USP3: variants seen among roughly 807,000 people sequenced by gnomAD.
USP3 encodes the protein ubiquitin carboxyl-terminal hydrolase 3.
USP3 carries 20 observed loss-of-function variants against 72.3 expected under a neutral mutation model. The observed-to-expected ratio is 0.28, with a 90% CI of 0.19 to 0.40. The LOEUF (loss-of-function observed/expected upper bound fraction) is 0.40, where lower values mean the gene tolerates loss of function less well. Ranked by LOEUF, USP3 falls within the 10% of genes least tolerant of loss-of-function variation. The pLI, the probability that USP3 is intolerant of heterozygous loss-of-function variation, is 1.00. For missense variants in USP3, 479 were observed against 633.9 expected (o/e 0.76, Z 2.62); for synonymous variants, 222 against 225.3 (o/e 0.99, Z 0.13).
rs546159193 is a variant in USP3, at chr15:63,515,740, CAT to C, written c.91+10913_91+10914del. On this transcript the variant is annotated intron_variant, in intron 1 of 14. Transcript: ENST00000380324. ...GAATTGTTATGTTACATCAATTTAC[CAT>C]ATGAAGATTAATTCATGTTTTCAGA... 7.2e-5 allele frequency among the ~76,000 whole-genome samples: 11 copies of C among 152,228 alleles called. No individual in the cohort carries two copies. In the South Asian group the frequency reaches 2.3e-3, roughly 32 times the overall value.
chr15:63,540,419 C>T (rs1459900393), intron 3 of USP3, among the ~76,000 whole-genome samples: 12 of 152,204 alleles, frequency 7.9e-5, no homozygotes, highest in Non-Finnish European at 1.6e-4. Context: ...GTATTTTTCC[C>T]TAGTATGCAG....
At chr15:63,589,085 C>G in intron 14 of USP3, 74 bp downstream of exon 14, 1 of 1,521,472 alleles carries the variant, frequency 6.6e-7, no homozygotes, top group South Asian at 1.1e-5. Context: ...TTTTGTACCA[C>G]TCTTGCTAGT....
intron 3 of USP3, among the ~76,000 whole-genome samples, chr15:63,545,176 A>G (rs983092587): frequency 2.6e-5 from 4 of 152,334 alleles, no homozygotes; most frequent in African/African-American, 9.6e-5. Context: ...ATAATTTTCA[A>G]GCTGATTTTA....
intron 11 of USP3, among the ~76,000 whole-genome samples, chr15:63,587,057 CAA>C (rs1484505093): frequency 1.3e-5 from 2 of 152,190 alleles, no homozygotes; most frequent in Non-Finnish European, 2.9e-5. Flanking sequence ...AGTACAGAGA[CAA>C]GAGCGCTTTT....
intron 1 of USP3, among the ~76,000 whole-genome samples, chr15:63,518,618 G>A: frequency 6.6e-6 from 1 of 152,126 alleles, no homozygotes; most frequent in South Asian, 2.1e-4. Flanking sequence ...TACATACAAA[G>A]AACTTCCGTA....
At position 63,574,179 on chromosome 15, in the gene USP3, A is replaced by G; in HGVS notation, c.1015+27A>G. On this transcript the variant is annotated intron_variant, in intron 10 of 14. Coordinates refer to ENST00000380324, the MANE Select transcript of USP3 (RefSeq NM_006537.4). This position sits in a 1 kb window ranked among gnomAD's most constrained non-coding sequence, Gnocchi z 4.6. ...TAAGATATATGTGGCATGTGGATAT[A>G]TAATATTTTATTAAAATAAATTTAA... The G allele has an allele frequency of 1.4e-6, 2 of 1,453,466 alleles. No homozygotes were observed. Among genetic ancestry groups the G allele is most frequent in the Non-Finnish European group, 1.8e-6 (2 of 1,084,456 alleles). 90.0% of individuals were successfully genotyped at this position (1,453,466 alleles called of 1,614,324 possible).
intron 1 of USP3, among the ~76,000 whole-genome samples, chr15:63,532,220 T>C (rs2066086762): frequency 6.6e-6 from 1 of 152,218 alleles, no homozygotes; most frequent in African/African-American, 2.4e-5. Flanking sequence ...TTGTGCCTCT[T>C]AGTAAATAAA....
chr15:63,565,270 G>A (rs910774670), intron 8 of USP3, among the ~76,000 whole-genome samples: 7 of 152,094 alleles, frequency 4.6e-5, no homozygotes, highest in Non-Finnish European at 2.9e-5. Context: ...GCTTTGGATA[G>A]AGAAATCATT....
intron 3 of USP3, among the ~76,000 whole-genome samples, chr15:63,539,619 T>C (rs1007446522): frequency 6.6e-6 from 1 of 152,230 alleles, no homozygotes; most frequent in East Asian, 1.9e-4. Context: ...TGTCGTTTCA[T>C]GGTGGAATTG....
Position 63,591,403 on chromosome 15 carries a change from G to T in USP3, c.*577G>T, listed in dbSNP as rs1489856218. Reference sequence around the variant, plus strand: ...TTACTGCTTGTCTCTCAAGGCTGCTGTCTTTATCAGCACTAACTAAATAAA... The same window carrying T: ...TTACTGCTTGTCTCTCAAGGCTGCTTTCTTTATCAGCACTAACTAAATAAA... On this transcript the variant is annotated 3_prime_UTR_variant, in exon 15 of 15. Transcript: ENST00000380324. 6.6e-6 allele frequency: 1 copy of T among 152,256 alleles called. No homozygotes were observed. The highest frequency in any genetic ancestry group is 2.4e-5 in the African/African-American group (1 of 41,438). 9.4% of individuals were successfully genotyped at this position (152,256 alleles called of 1,614,324 possible). A position where few individuals can be genotyped will look rare whatever the true frequency, so the allele number is the denominator to read the frequency against.
chr15:63,506,210 C>G, intron 1 of USP3, among the ~76,000 whole-genome samples: 1 of 152,132 alleles, frequency 6.6e-6, no homozygotes. Context: ...TGTAAATTAG[C>G]TTTTACCTGT....
At chr15:63,573,959 G>T in intron 9 of USP3, 87 bp from the exon 10 acceptor site, 1 of 833,740 alleles carries the variant, frequency 1.2e-6, no homozygotes, top group East Asian at 2.9e-5. Context: ...GTCATCTGTA[G>T]GGGCTTTAAC....
chr15:63,582,236 G>A (rs1438539640), intron 11 of USP3, among the ~76,000 whole-genome samples: 2 of 152,184 alleles, frequency 1.3e-5, no homozygotes, highest in Non-Finnish European at 2.9e-5. Flanking sequence ...TTCTGGGGAT[G>A]CTCAGGTAAC....
chr15:63,590,510 G>T, intron 14 of USP3, 151 bp from the exon 15 acceptor site: 2 of 752,868 alleles, frequency 2.7e-6, no homozygotes, highest in Non-Finnish European at 3.8e-6. Context: ...TGGTCAGTTT[G>T]GAGGAAGGTA....
intron 7 of USP3, among the ~76,000 whole-genome samples, chr15:63,560,331 G>A (rs767647064): frequency 4.6e-5 from 7 of 151,014 alleles, no homozygotes; most frequent in South Asian, 4.2e-4. Flanking sequence ...CAGGAGAATC[G>A]CTTGAACCCA....
chr15:63,574,201 T>C lies in USP3; in HGVS notation c.1015+49T>C. The C allele has an allele frequency of 7.1e-7, 1 of 1,417,366 alleles. No individual in the cohort carries two copies. The highest frequency in any genetic ancestry group is 9.4e-7 in the Non-Finnish European group (1 of 1,064,762). 87.8% of individuals were successfully genotyped at this position (1,417,366 alleles called of 1,614,324 possible). A position where few individuals can be genotyped will look rare whatever the true frequency, so the allele number is the denominator to read the frequency against. On this transcript the variant is annotated intron_variant, in intron 10 of 14. Coordinates refer to ENST00000380324, the MANE Select transcript of USP3 (RefSeq NM_006537.4). This position sits in a 1 kb window ranked among gnomAD's most constrained non-coding sequence, Gnocchi z 4.6. ...TATATAATATTTTATTAAAATAAAT[T>C]TAATGTTTCCTTCAAAAAATAAGTG...
rs549098787 is a variant in USP3, at chr15:63,537,067, A to G, written c.195A>G (p.Gln65=). ...GHAKKHYEDA[Q]VPLTNHKKSE... is the part of the protein sequence containing the mutation. ...CAAAAAAACATTATGAAGATGCACA[A>G]GTACCTTTAACCAACCATAAGAAAT... The change falls in exon 3 of 15, where the codon CAA becomes CAG. Residue 65 remains glutamine (Q), a synonymous_variant. Coordinates refer to ENST00000380324, the MANE Select transcript of USP3 (RefSeq NM_006537.4). 1.7e-4 allele frequency: 268 copies of G among 1,614,122 alleles called. 1 individual carries two copies. In the South Asian group the frequency reaches 2.6e-3, roughly 16 times the overall value.
intron 8 of USP3, among the ~76,000 whole-genome samples, chr15:63,565,769 G>GTCCCCTCCC (rs1370568010): frequency 6.6e-6 from 1 of 152,076 alleles, no homozygotes; most frequent in African/African-American, 2.4e-5. Context: ...TTGTGTCCAA[G>GTCCCCTCCC]TCCCCTCCCA....
chr15:63,535,132 T>C (rs1258911013), intron 2 of USP3, among the ~76,000 whole-genome samples: 1 of 152,176 alleles, frequency 6.6e-6, no homozygotes, highest in Non-Finnish European at 1.5e-5. Context: ...GGTTTCACCA[T>C]GTTGGCCAGG....
Sources: gnomAD v4.1 joint callset for allele counts (sites outside exome capture counted in the v4.1 genomes callset) on GRCh38, gnomAD v4.1.1 for gene constraint, Gnocchi (gnomAD v3.1) non-coding constraint, MANE v1.5 for transcripts, NCBI Gene and HGNC (gene_info 2026-07-23, HGNC 2026-07-21) for gene names.